The following PLCB4 variants were observed in gnomAD, a reference collection of about 807,000 sequenced individuals.
PLCB4 encodes the protein phospholipase C beta 4.
A neutral mutation model predicts 178.8 loss-of-function variants in PLCB4; 77 were observed. That is an observed-to-expected ratio of 0.43 (90% CI 0.36 to 0.52). PLCB4 has a LOEUF of 0.52. Ranked by LOEUF, PLCB4 falls within the 20% of genes least tolerant of loss-of-function variation. The probability of loss-of-function intolerance (pLI) is 0.00; values close to 1 mark genes in which losing one functional copy is unlikely to be tolerated. For missense variants in PLCB4, 1,024 were observed against 1,453.4 expected (o/e 0.70, Z 4.80); for synonymous variants, 496 against 490.8 (o/e 1.01, Z -0.14).
chr20:9,381,424 G>C (rs1225074358), intron 13 of PLCB4, among the ~76,000 whole-genome samples: 1 of 152,158 alleles, frequency 6.6e-6, no homozygotes, highest in African/African-American at 2.4e-5. Context: ...CGGGTGCCAA[G>C]CACTGTGCCA....
intron 3 of PLCB4, among the ~76,000 whole-genome samples, chr20:9,246,574 G>A (rs908780551): frequency 4.8e-5 from 7 of 146,560 alleles, no homozygotes; most frequent in Non-Finnish European, 1.1e-4. Flanking sequence ...TTTTTTTTTT[G>A]GTAAGGCTTT....
intron 39 of PLCB4, 106 bp from the exon 40 acceptor site, chr20:9,478,815 G>C: frequency 1.2e-6 from 1 of 804,888 alleles, no homozygotes; most frequent in Non-Finnish European, 2.2e-6. Context: ...TGAGTAGCAA[G>C]GATGTGGTGA....
Position 9,337,207 on chromosome 20 carries a change from G to A in PLCB4, c.165+1G>A, listed in dbSNP as rs1469579185. 1 of 1,608,672 alleles carries A rather than the reference G, an allele frequency of 6.2e-7. No homozygotes were observed. The highest frequency in any genetic ancestry group is 8.5e-7 in the Non-Finnish European group (1 of 1,175,202). On this transcript the variant is annotated splice_donor_variant, in intron 5 of 39. Coordinates refer to ENST00000378473, the MANE Select transcript of PLCB4 (RefSeq NM_001377142.1). LOFTEE classifies it high-confidence loss of function. The stretch of plus-strand genomic sequence containing the variant: ...TCTGACATGGAGAAGTGAAGGCAAG[G>A]TATGGCCCAAGAAGAGCAAGTTGTT...
At chr20:9,225,654 C>G (rs2093854954) in intron 3 of PLCB4, among the ~76,000 whole-genome samples, 1 of 152,132 alleles carries the variant, frequency 6.6e-6, no homozygotes, top group Non-Finnish European at 1.5e-5. Flanking sequence ...GTTTCCTCAC[C>G]TGTTCCACAC....
At position 9,364,696 on chromosome 20, in the gene PLCB4, G is replaced by A. The variant is rs192597929; in HGVS notation, c.450-765G>A. 2.0e-3 allele frequency among the ~76,000 whole-genome samples: 308 copies of A among 152,270 alleles called. 2 individuals carry two copies. The highest frequency in any genetic ancestry group is 7.1e-3 in the African/African-American group (295 of 41,534). ...TTAAAGTAGTTAGTGGTGCTTCTAC[G>A]AAACTTAAGACAGAAACTTTACTAA... On this transcript the variant is annotated intron_variant, in intron 8 of 39. Coordinates refer to ENST00000378473, the MANE Select transcript of PLCB4 (RefSeq NM_001377142.1).
intron 2 of PLCB4, among the ~76,000 whole-genome samples, chr20:9,178,006 C>T (rs1380575282): frequency 6.6e-6 from 1 of 152,176 alleles, no homozygotes; most frequent in Admixed American, 6.5e-5. Flanking sequence ...ATATTTGTAT[C>T]ATCAGTTGAT....
rs1601933309 is a variant in PLCB4 at position 9,338,066 on chromosome 20, AG to A, written c.225+1del. On this transcript the variant is annotated frameshift_variant and splice_region_variant, in exon 6 of 40. Coordinates refer to ENST00000378473, the MANE Select transcript of PLCB4 (RefSeq NM_001377142.1). LOFTEE classifies it high-confidence loss of function. ...AGTATTCGGTCGGGAGCCATACCAA[AG>A]GTACCTGTGATTGGTATTTGCTTTT... ...INSIRSGAIP[K>X]DPKILAALEA... 7 of 1,601,214 alleles carry A rather than the reference AG, an allele frequency of 4.4e-6. No individual in the cohort carries two copies. The highest frequency in any genetic ancestry group is 6.0e-6 in the Non-Finnish European group (7 of 1,168,482).
intron 2 of PLCB4, among the ~76,000 whole-genome samples, chr20:9,127,738 G>T (rs1394944853): frequency 6.6e-6 from 1 of 152,080 alleles, no homozygotes; most frequent in Non-Finnish European, 1.5e-5. Flanking sequence ...AGGCTGGAGT[G>T]CAGTAGCACA....
intron 2 of PLCB4, among the ~76,000 whole-genome samples, chr20:9,144,148 G>A (rs186895286): frequency 6.6e-6 from 1 of 152,218 alleles, no homozygotes; most frequent in East Asian, 1.9e-4. Context: ...ACAAGCTGTA[G>A]GAGGCAGAAA....
At chr20:9,111,284 A>G (rs1022648606) in intron 2 of PLCB4, among the ~76,000 whole-genome samples, 4 of 152,172 alleles carry the variant, frequency 2.6e-5, no homozygotes, top group East Asian at 1.9e-4. Flanking sequence ...TTCAGATGGC[A>G]GTGTGGATCT....
chr20:9,456,626 C>T (rs930112757), intron 33 of PLCB4, among the ~76,000 whole-genome samples: 2 of 152,230 alleles, frequency 1.3e-5, no homozygotes, highest in East Asian at 3.9e-4. Flanking sequence ...GGGAATGTTT[C>T]GGCAGTGCTG....
At chr20:9,375,566 A>G (rs1263443798) in intron 12 of PLCB4, among the ~76,000 whole-genome samples, 2 of 152,186 alleles carry the variant, frequency 1.3e-5, no homozygotes, top group Non-Finnish European at 2.9e-5. Context: ...ACTACCCCAC[A>G]TATCAGACAG....
chr20:9,382,009 G>C (rs909355298), intron 13 of PLCB4, among the ~76,000 whole-genome samples: 1 of 152,128 alleles, frequency 6.6e-6, no homozygotes, highest in Non-Finnish European at 1.5e-5. Context: ...CAGACTTGTA[G>C]TAGAACTCTC....
At chr20:9,113,016 C>T (rs1209147954) in intron 2 of PLCB4, among the ~76,000 whole-genome samples, 1 of 151,944 alleles carries the variant, frequency 6.6e-6, no homozygotes, top group African/African-American at 2.4e-5. Flanking sequence ...TAAAGGGAGA[C>T]ATTATAAGTT....
At chr20:9,264,903 C>T (rs6108275) in intron 3 of PLCB4, among the ~76,000 whole-genome samples, 6 of 152,098 alleles carry the variant, frequency 3.9e-5, no homozygotes, top group South Asian at 4.2e-4. Flanking sequence ...TCCTGTCGAC[C>T]GTTTACCAAA....
intron 3 of PLCB4, among the ~76,000 whole-genome samples, chr20:9,241,077 GT>G (rs1475030094): frequency 1.3e-5 from 2 of 152,114 alleles, no homozygotes; most frequent in Non-Finnish European, 2.9e-5. Context: ...TTTAGGCTCA[GT>G]TTTCTTTGAA....
intron 30 of PLCB4, 144 bp from the exon 31 acceptor site, chr20:9,443,837 T>C (rs2042248100): frequency 3.5e-6 from 2 of 563,660 alleles, no homozygotes; most frequent in Non-Finnish European, 6.3e-6. Context: ...TGCTTTGTAA[T>C]AGGAACTTAA....
At chr20:9,208,261 G>A (rs1304658922) in intron 2 of PLCB4, among the ~76,000 whole-genome samples, 1 of 152,204 alleles carries the variant, frequency 6.6e-6, no homozygotes, top group African/African-American at 2.4e-5. Flanking sequence ...ACTACTCTGT[G>A]CCTCAGTCTG....
chr20:9,089,148 A>C (rs954550124), intron 1 of PLCB4, among the ~76,000 whole-genome samples: 5 of 152,098 alleles, frequency 3.3e-5, no homozygotes, highest in African/African-American at 1.2e-4. Flanking sequence ...AGTACAAAAT[A>C]GCCTTAAAAG....
Sources: allele counts gnomAD v4.1 joint callset (sites outside exome capture counted in the v4.1 genomes callset), GRCh38; gene constraint gnomAD v4.1.1; transcripts MANE v1.5; gene names NCBI Gene and HGNC (gene_info 2026-07-23, HGNC 2026-07-21).